EXOC4: variants seen among roughly 807,000 people sequenced by gnomAD.
The protein encoded by EXOC4 is SEC8-like 1.
EXOC4 carries 71 observed loss-of-function variants against 107.2 expected under a neutral mutation model. The observed-to-expected ratio is 0.66, with a 90% CI of 0.55 to 0.81. The LOEUF is 0.81. Ranked by LOEUF, EXOC4 falls within the 30% of genes least tolerant of loss-of-function variation. The pLI is 0.00. For missense variants in EXOC4, 1,108 were observed against 1,189.6 expected (o/e 0.93, Z 1.01); for synonymous variants, 456 against 441.2 (o/e 1.03, Z -0.42).
At chr7:133,559,589 G>A (rs1800769501) in intron 9 of EXOC4, among the ~76,000 whole-genome samples, 1 of 152,142 alleles carries the variant, frequency 6.6e-6, no homozygotes, top group African/African-American at 2.4e-5. Flanking sequence ...TCAGCTTAAT[G>A]AGCATAAACA....
the EXOC4 span, among the ~76,000 whole-genome samples, chr7:134,075,671 T>C: frequency 6.6e-6 from 1 of 152,108 alleles, no homozygotes; most frequent in East Asian, 1.9e-4. Flanking sequence ...CAAGATGAGA[T>C]TTGGGTGGGG....
chr7:133,673,704 A>G (rs1327204187), intron 10 of EXOC4, among the ~76,000 whole-genome samples: 1 of 152,240 alleles, frequency 6.6e-6, no homozygotes, highest in African/African-American at 2.4e-5. Flanking sequence ...CTGAAAAACA[A>G]GAAGACAACA....
chr7:133,902,399 A>C lies in EXOC4; in HGVS notation c.1871+6664A>C, dbSNP rs558874547. ...AAAACAATTTATTCACTTGGTTTCT[A>C]GAATTCCATTTATTCAACAAATATT... On this transcript the variant is annotated intron_variant, in intron 12 of 17. Transcript: ENST00000253861. 1.3e-4 allele frequency among the ~76,000 whole-genome samples: 20 copies of C among 152,336 alleles called. No homozygotes were observed. The South Asian group carries it at 3.1e-3, about 24-fold the overall frequency.
chr7:133,473,304 C>T (rs916981510), intron 7 of EXOC4, among the ~76,000 whole-genome samples: 3 of 152,016 alleles, frequency 2.0e-5, no homozygotes, highest in East Asian at 1.9e-4. Flanking sequence ...ATCCACATAC[C>T]GAATAATACT....
intron 10 of EXOC4, among the ~76,000 whole-genome samples, chr7:133,726,856 A>G (rs1175228593): frequency 6.6e-6 from 1 of 152,208 alleles, no homozygotes. Flanking sequence ...GAGCAGGTGC[A>G]TGACACCATA....
At chr7:133,840,494 T>TTTTATTTATTTA (rs200907309) in intron 11 of EXOC4, among the ~76,000 whole-genome samples, 6 of 151,190 alleles carry the variant, frequency 4.0e-5, no homozygotes, top group African/African-American at 1.5e-4. Flanking sequence ...TTTTATTGTA[T>TTTTATTTATTTA]TTTATTTATT....
chr7:134,013,035 T>TA (rs2116374238), intron 17 of EXOC4, among the ~76,000 whole-genome samples: 1 of 152,320 alleles, frequency 6.6e-6, no homozygotes, highest in South Asian at 2.1e-4. Context: ...ATACACAACT[T>TA]ACCTAAAGTA....
At chr7:134,008,455 C>G (rs1372982163) in intron 17 of EXOC4, among the ~76,000 whole-genome samples, 2 of 152,066 alleles carry the variant, frequency 1.3e-5, no homozygotes, top group Non-Finnish European at 2.9e-5. Flanking sequence ...TCATCACTTG[C>G]AAATTTTTGA....
chr7:134,022,043 G>A (rs1302045082), intron 17 of EXOC4, among the ~76,000 whole-genome samples: 1 of 152,138 alleles, frequency 6.6e-6, no homozygotes, highest in African/African-American at 2.4e-5. Context: ...TCTCCCTTAG[G>A]TGACAGTCTT....
intron 7 of EXOC4, among the ~76,000 whole-genome samples, chr7:133,393,539 T>A (rs1364510269): frequency 6.6e-6 from 1 of 152,186 alleles, no homozygotes; most frequent in African/African-American, 2.4e-5. Context: ...TGAAAGCCAG[T>A]CCCCAATGTG....
chr7:133,668,960 A>G (rs1793878153), intron 10 of EXOC4, among the ~76,000 whole-genome samples: 1 of 148,520 alleles, frequency 6.7e-6, no homozygotes, highest in Non-Finnish European at 1.5e-5. Flanking sequence ...ATAGGAGTGA[A>G]TATGTGGGTC....
intron 7 of EXOC4, among the ~76,000 whole-genome samples, chr7:133,462,870 G>A (rs1169638601): frequency 6.6e-6 from 1 of 152,120 alleles, no homozygotes; most frequent in Non-Finnish European, 1.5e-5. Context: ...GAACCAATAG[G>A]AACTCATCCT....
chr7:133,866,805 T>C (rs1161168729), intron 11 of EXOC4, among the ~76,000 whole-genome samples: 1 of 152,164 alleles, frequency 6.6e-6, no homozygotes, highest in African/African-American at 2.4e-5. Context: ...GATCTATGCA[T>C]CCATTGTGAA....
At chr7:133,263,307 A>T (rs995896198) in intron 1 of EXOC4, among the ~76,000 whole-genome samples, 1 of 151,728 alleles carries the variant, frequency 6.6e-6, no homozygotes, top group Non-Finnish European at 1.5e-5. Flanking sequence ...CAAGAAGCCA[A>T]TTGTAATTGT....
At chr7:133,580,179 C>A (rs189799336) in intron 9 of EXOC4, among the ~76,000 whole-genome samples, 1 of 152,160 alleles carries the variant, frequency 6.6e-6, no homozygotes, top group African/African-American at 2.4e-5. Context: ...ATGTATACAT[C>A]GCATTTTGTT....
At chr7:133,944,488 G>T (rs896741460) in intron 14 of EXOC4, among the ~76,000 whole-genome samples, 1 of 152,104 alleles carries the variant, frequency 6.6e-6, no homozygotes, top group African/African-American at 2.4e-5. Flanking sequence ...CACATCAAGG[G>T]TACATATCAT....
At chr7:133,773,497 C>A (rs1339904478) in intron 10 of EXOC4, among the ~76,000 whole-genome samples, 14 of 142,228 alleles carry the variant, frequency 9.8e-5, no homozygotes, top group African/African-American at 3.5e-4. Context: ...TATTATTTTT[C>A]TTTTTGAGCT....
rs1342943355 is a variant in EXOC4 at position 133,555,282 on chromosome 7, A to G, written c.1418-74763A>G. On this transcript the variant is annotated intron_variant, in intron 9 of 17. Transcript: ENST00000253861. ...TGTTAACTATTTTCACAGGTAAGAC[A>G]TTTTATGTTTCAACTTCAAAGATTA... Among the ~76,000 whole-genome samples the G allele has an allele frequency of 2.6e-5, 4 of 152,178 alleles. No homozygotes were observed. The East Asian group carries it at 7.7e-4, about 29-fold the overall frequency.
chr7:133,788,493 T>G (rs1040963671), intron 10 of EXOC4, among the ~76,000 whole-genome samples: 2 of 151,998 alleles, frequency 1.3e-5, no homozygotes, highest in African/African-American at 4.8e-5. Flanking sequence ...TGCTCAAAAC[T>G]TCTCTCTTTT....
Sources: gnomAD v4.1 joint callset for allele counts (sites outside exome capture counted in the v4.1 genomes callset) on GRCh38, gnomAD v4.1.1 for gene constraint, MANE v1.5 for transcripts, NCBI Gene and HGNC (gene_info 2026-07-23, HGNC 2026-07-21) for gene names.